The following PLAT variants were observed in gnomAD, a reference collection of about 807,000 sequenced individuals.
PLAT encodes the protein tissue-type plasminogen activator.
In PLAT, 48 loss-of-function variants were observed where a neutral mutation model predicts 74.9. The observed-to-expected ratio is 0.64, with a 90% confidence interval of 0.51 to 0.82. The LOEUF is 0.82. PLAT is among the 40% of genes least tolerant of loss of function. The pLI, the probability that PLAT is intolerant of heterozygous loss-of-function variation, is 0.00. For missense variants in PLAT, 673 were observed against 736.2 expected, an observed-to-expected ratio of 0.91 and a Z score of 0.99; for synonymous variants, 307 against 294.4, an observed-to-expected ratio of 1.04 and a Z score of -0.44.
At chr8:42,189,102 A>AGTAT in intron 3 of PLAT, 31 bp from the exon 4 acceptor site, 9 of 1,601,816 alleles carry the variant, frequency 5.6e-6, no homozygotes, top group Non-Finnish European at 5.1e-6. Flanking sequence ...GCCTCATCAG[A>AGTAT]GTATGACTCA....
intron 13 of PLAT, 80 bp from the exon 14 acceptor site, chr8:42,176,231 C>T (rs890180278): frequency 5.0e-5 from 50 of 1,009,434 alleles, no homozygotes; most frequent in Non-Finnish European, 7.1e-5. Context: ...GCATGAACAT[C>T]GTAATCTTCA....
chr8:42,192,045 C>T (rs1033485949), intron 2 of PLAT, among the ~76,000 whole-genome samples: 2 of 150,024 alleles, frequency 1.3e-5, no homozygotes, highest in Admixed American at 6.6e-5. Context: ...AGTTTGTCAC[C>T]CAGGCTGGAG....
At chr8:42,202,232 T>C (rs143798740) in intron 1 of PLAT, among the ~76,000 whole-genome samples, 170 of 151,740 alleles carry the variant, frequency 1.1e-3, no homozygotes, top group African/African-American at 3.6e-3. Flanking sequence ...GTCTTCGCTA[T>C]GTTCAAGACC....
At chr8:42,185,987 C>A (rs1295136646) in intron 6 of PLAT, 1 of 151,836 alleles carries the variant, frequency 6.6e-6, no homozygotes, top group Admixed American at 6.6e-5. Context: ...ACTTGCCAGC[C>A]CCCACGATCC....
In PLAT at chr8:42,187,475, G is replaced by A. The variant is rs561637468; in HGVS notation, c.462C>T (p.Ser154=). 4.7e-5 allele frequency: 75 copies of A among 1,609,342 alleles called. No homozygotes were observed. The Middle Eastern group carries it at 5.0e-4, about 11-fold the overall frequency. ...CGCTGTAGGGCTTCTGGGCCAACGC[G>A]CTGCTGTTCCAGTTGGTGCACTCGG... ...SGAECTNWNS[S]ALAQKPYSGR... Residue 154 remains serine (S), a synonymous_variant, in exon 6 of 14, where the codon AGC becomes AGT. Transcript: ENST00000220809.
rs531615699 is a variant in PLAT, at chr8:42,178,661, T to A, written c.1530+236A>T. 3.9e-5 allele frequency among the ~76,000 whole-genome samples: 6 copies of A among 152,274 alleles called. No individual in the cohort carries two copies. The East Asian group carries it at 1.2e-3, about 29-fold the overall frequency. On this transcript the variant is annotated intron_variant, in intron 13 of 13. Transcript: ENST00000220809. ...GAAAGGAAATCCTGTACAGGTGGAG[T>A]TGCCTGTGCAGATCCTGGGGAAATT...
intron 1 of PLAT, among the ~76,000 whole-genome samples, chr8:42,202,411 GCTGAAATAAAAA>G (rs976980735): frequency 1.1e-3 from 160 of 152,138 alleles, no homozygotes; most frequent in African/African-American, 3.8e-3. Flanking sequence ...TGGAGACTCA[GCTGAAATAAAAA>G]CTGCCCACAT....
chr8:42,177,116 C>G (rs1805005156), intron 13 of PLAT, among the ~76,000 whole-genome samples: 1 of 152,202 alleles, frequency 6.6e-6, no homozygotes, highest in South Asian at 2.1e-4. Context: ...ACCACCACAC[C>G]TGGCTAATTT....
At chr8:42,207,425 C>T (rs775457504) in intron 1 of PLAT, 69 bp downstream of exon 1, 1 of 152,266 alleles carries the variant, frequency 6.6e-6, no homozygotes, top group Non-Finnish European at 1.5e-5. Flanking sequence ...TTCACTGGCT[C>T]AGCTTGCTGG....
At chr8:42,202,233 G>A (rs1806157464) in intron 1 of PLAT, among the ~76,000 whole-genome samples, 1 of 148,766 alleles carries the variant, frequency 6.7e-6, no homozygotes, top group Admixed American at 6.7e-5. Flanking sequence ...TCTTCGCTAT[G>A]TTCAAGACCC....
Position 42,180,626 on chromosome 8 carries a change from C to G in PLAT, c.949G>C (p.Ala317Pro). The part of the protein sequence containing the change: ...PQFRIKGGLF[A>P]DIASHPWQAA... ...TGCCAGGGGTGGGAGGCGATGTCGG[C>G]GAAGAGCCCTCCTTTGATGCGAAAC... Residue 317 changes from alanine to proline, a missense_variant, in exon 10 of 14, where the codon GCC becomes CCC. Ala to Pro is a conservative substitution (Grantham distance 27). Transcript: ENST00000220809. 6.2e-7 allele frequency: 1 copy of G among 1,611,116 alleles called. No individual in the cohort carries two copies. Among genetic ancestry groups the G allele is most frequent in the Non-Finnish European group, 8.5e-7 (1 of 1,178,272 alleles).
chr8:42,192,368 A>T (rs8178729), intron 2 of PLAT, among the ~76,000 whole-genome samples: 77 of 151,920 alleles, frequency 5.1e-4, no homozygotes, highest in African/African-American at 1.8e-3. Context: ...TGTGGATTCA[A>T]CCAAAACAGA....
Position 42,188,922 on chromosome 8 carries a change from C to A in PLAT, c.253+12G>T. 1 of 1,609,808 alleles carries A rather than the reference C, an allele frequency of 6.2e-7. No homozygotes were observed. Among genetic ancestry groups the A allele is most frequent in the Non-Finnish European group, 8.5e-7 (1 of 1,176,978 alleles). On this transcript the variant is annotated intron_variant, in intron 4 of 13. Transcript: ENST00000220809. ...TCACAGGCATGCACCACCTCCCAGC[C>A]TCAGTACATACTTTTGACAGGCACT...
At chr8:42,205,742 T>G (rs546220243) in intron 1 of PLAT, among the ~76,000 whole-genome samples, 12 of 152,324 alleles carry the variant, frequency 7.9e-5, no homozygotes, top group Admixed American at 7.2e-4. Context: ...GATTAATGTC[T>G]CATGTCTCCC....
intron 1 of PLAT, among the ~76,000 whole-genome samples, chr8:42,195,422 C>G (rs1805870141): frequency 6.6e-6 from 1 of 152,206 alleles, no homozygotes; most frequent in South Asian, 2.1e-4. Flanking sequence ...CTCTCAGCCT[C>G]CCTGCACCTG....
intron 1 of PLAT, among the ~76,000 whole-genome samples, chr8:42,200,423 CCAACACT>C (rs537462586): frequency 1.3e-5 from 2 of 152,106 alleles, no homozygotes; most frequent in Admixed American, 1.3e-4. Context: ...ATCTGTAATC[CCAACACT>C]TTGGGAGGCC....
chr8:42,194,263 T>C (rs1434546596), intron 1 of PLAT, among the ~76,000 whole-genome samples: 1 of 150,416 alleles, frequency 6.6e-6, no homozygotes, highest in Non-Finnish European at 1.5e-5. Context: ...TGTGTGTGTG[T>C]GTGTGTGTGT....
intron 4 of PLAT, 187 bp from the exon 5 acceptor site, chr8:42,188,203 A>G (rs1563258429): frequency 7.6e-6 from 4 of 525,516 alleles, no homozygotes; most frequent in African/African-American, 1.9e-5. Context: ...AAATCCATAC[A>G]TAAGTGGACC....
Position 42,180,518 on chromosome 8 carries a change from G to T in PLAT, c.1057C>A (p.Leu353Ile), listed in dbSNP as rs373941131. The change falls in exon 10 of 14, where the codon CTC becomes ATC. Residue 353 changes from leucine to isoleucine, a missense_variant. Coordinates refer to ENST00000220809, the MANE Select transcript of PLAT (RefSeq NM_000930.5). ...TCCTGGAAGCAGTGGGCGGCAGAGAGAATCCAGCAGGAGCTGATGAGTATG... is the reference window on the plus strand; with the variant it reads ...TCCTGGAAGCAGTGGGCGGCAGAGATAATCCAGCAGGAGCTGATGAGTATG... ...GGILISSCWI[L>I]SAAHCFQERF... 5.0e-6 allele frequency: 8 copies of T among 1,613,984 alleles called. No homozygotes were observed. Among genetic ancestry groups the T allele is most frequent in the African/African-American group, 1.3e-5 (1 of 74,952 alleles).
Sources: allele counts gnomAD v4.1 joint callset (sites outside exome capture counted in the v4.1 genomes callset), GRCh38; gene constraint gnomAD v4.1.1; transcripts MANE v1.5; gene names NCBI Gene and HGNC (gene_info 2026-07-23, HGNC 2026-07-21).